Variants in STXBP5L observed in about 807,000 individuals in gnomAD.
The protein encoded by STXBP5L is syntaxin-binding protein 5-like.
STXBP5L carries 65 observed loss-of-function variants against 144.5 expected under a neutral mutation model. That is an observed-to-expected ratio of 0.45 (90% confidence interval 0.37 to 0.55). STXBP5L has a LOEUF of 0.55. Ranked by LOEUF, STXBP5L falls within the 20% of genes least tolerant of loss-of-function variation. STXBP5L has a pLI of 0.00. For synonymous variants in STXBP5L, 505 were observed against 469.6 expected, an observed-to-expected ratio of 1.08 and a Z score of -0.97; for missense variants, 1,298 against 1,405.5, an observed-to-expected ratio of 0.92 and a Z score of 1.22.
chr3:121,019,049 T>G, intron 3 of STXBP5L, among the ~76,000 whole-genome samples: 1 of 152,194 alleles, frequency 6.6e-6, no homozygotes. Context: ...GGAGTGAAAC[T>G]GGCCTTTCGG....
intron 3 of STXBP5L, among the ~76,000 whole-genome samples, chr3:121,005,382 G>T: frequency 6.6e-6 from 1 of 152,134 alleles, no homozygotes; most frequent in East Asian, 1.9e-4. Flanking sequence ...GTATTTCTGT[G>T]TGAACGGTGG....
chr3:121,221,875 A>T lies in STXBP5L; in HGVS notation c.957-1128A>T, dbSNP rs533885791. Among the ~76,000 whole-genome samples, 380 of 147,300 alleles carry T rather than the reference A, an allele frequency of 2.6e-3. 2 individuals are homozygous for T. Among genetic ancestry groups the T allele is most frequent in the African/African-American group, 8.9e-3 (357 of 40,112 alleles). On this transcript the variant is annotated intron_variant, in intron 10 of 26. Coordinates refer to ENST00000471454, the MANE Select transcript of STXBP5L (RefSeq NM_001308330.2). The stretch of plus-strand genomic sequence containing the variant: ...TGTATGTTTGTATAGAAGCTTTGTT[A>T]AAAAAAAAACCCTTTTTGGTTATAT...
At chr3:121,212,140 A>G (rs2048598767) in intron 10 of STXBP5L, among the ~76,000 whole-genome samples, 1 of 152,178 alleles carries the variant, frequency 6.6e-6, no homozygotes, top group African/African-American at 2.4e-5. Context: ...ATAGATTGCA[A>G]AAATATCCTC....
In STXBP5L at chr3:120,955,059, T is replaced by C. The variant is rs1285241925; in HGVS notation, c.287+22T>C. On this transcript the variant is annotated intron_variant, in intron 3 of 26. Transcript: ENST00000471454. ...GAATGTATCCTTAAATTTTGGTTCATTATCTGCCACAGTAATGCCAATTAC... is the reference window on the plus strand; with the variant it reads ...GAATGTATCCTTAAATTTTGGTTCACTATCTGCCACAGTAATGCCAATTAC... 8 of 1,541,546 alleles carry C rather than the reference T, an allele frequency of 5.2e-6. No individual in the cohort carries two copies. The East Asian group carries it at 1.8e-4, about 35-fold the overall frequency.
At chr3:120,985,225 A>G (rs1213273362) in intron 3 of STXBP5L, among the ~76,000 whole-genome samples, 4 of 151,988 alleles carry the variant, frequency 2.6e-5, no homozygotes, top group African/African-American at 9.7e-5. Flanking sequence ...GAAAAGTTTG[A>G]GAAGGATTGG....
intron 3 of STXBP5L, among the ~76,000 whole-genome samples, chr3:120,957,236 G>A (rs1323311003): frequency 6.6e-6 from 1 of 151,856 alleles, no homozygotes; most frequent in Non-Finnish European, 1.5e-5. Flanking sequence ...TTTGTAGATT[G>A]GAAACCAGAT....
At chr3:120,954,339 C>A (rs1210688787) in intron 2 of STXBP5L, among the ~76,000 whole-genome samples, 1 of 152,056 alleles carries the variant, frequency 6.6e-6, no homozygotes, top group Admixed American at 6.6e-5. Flanking sequence ...CAGAATATTA[C>A]ATCTTTACTC....
chr3:121,129,219 T>A (rs2044858273), intron 7 of STXBP5L, among the ~76,000 whole-genome samples: 1 of 152,036 alleles, frequency 6.6e-6, no homozygotes, highest in Admixed American at 6.6e-5. Context: ...ATAATACTCA[T>A]ATTGGTTTGC....
intron 22 of STXBP5L, among the ~76,000 whole-genome samples, chr3:121,389,902 C>G (rs763068344): frequency 6.6e-6 from 1 of 152,136 alleles, no homozygotes; most frequent in Non-Finnish European, 1.5e-5. Flanking sequence ...TCTATTACGT[C>G]TGCTTGTTGC....
intron 2 of STXBP5L, among the ~76,000 whole-genome samples, chr3:120,935,694 A>G (rs1457872121): frequency 6.6e-6 from 1 of 151,980 alleles, no homozygotes; most frequent in African/African-American, 2.4e-5. Context: ...ATCACTTCAC[A>G]TTTTTATGGT....
intron 5 of STXBP5L, among the ~76,000 whole-genome samples, chr3:121,061,124 C>T (rs1393816054): frequency 3.3e-5 from 5 of 152,126 alleles, no homozygotes. Flanking sequence ...TATAAATTTC[C>T]ATCTAAACAC....
intron 19 of STXBP5L, among the ~76,000 whole-genome samples, 172 bp from the exon 20 acceptor site, chr3:121,318,303 A>T (rs2043850636): frequency 6.6e-6 from 1 of 151,928 alleles, no homozygotes. Context: ...ATAAAAATAA[A>T]AAAAAAATTA....
At chr3:121,282,537 T>C (rs1577360901) in intron 19 of STXBP5L, among the ~76,000 whole-genome samples, 1 of 152,144 alleles carries the variant, frequency 6.6e-6, no homozygotes, top group East Asian at 1.9e-4. Context: ...CCTGTACCCA[T>C]TCAATCATAC....
intron 19 of STXBP5L, among the ~76,000 whole-genome samples, chr3:121,312,444 ATCTTTTTTTT>A (rs2043569552): frequency 3.1e-5 from 1 of 31,966 alleles, no homozygotes; most frequent in African/African-American, 1.3e-4. Flanking sequence ...AGGTATGTCA[ATCTTTTTTTT>A]TTTTTTTTTT....
intron 5 of STXBP5L, 70 bp from the exon 6 acceptor site, chr3:121,114,855 A>T: frequency 2.7e-6 from 3 of 1,100,786 alleles, no homozygotes; most frequent in Non-Finnish European, 3.8e-6. Context: ...TACATAATAC[A>T]TGTAAGGAAA....
Position 121,074,683 on chromosome 3 carries a change from A to G in STXBP5L, c.470+29148A>G, listed in dbSNP as rs539353889. 3.3e-5 allele frequency among the ~76,000 whole-genome samples: 5 copies of G among 152,222 alleles called. No individual in the cohort carries two copies. In the South Asian group the frequency reaches 8.3e-4, roughly 25 times the overall value. On this transcript the variant is annotated intron_variant, in intron 5 of 26. Coordinates refer to ENST00000471454, the MANE Select transcript of STXBP5L (RefSeq NM_001308330.2). ...CATCTTTATAAATTTTGCATCTCTC[A>G]TAGAGTCTCCATTCCTTTGTTGTTG...
chr3:121,197,900 G>A (rs1295108491), intron 9 of STXBP5L, among the ~76,000 whole-genome samples: 1 of 152,166 alleles, frequency 6.6e-6, no homozygotes, highest in Non-Finnish European at 1.5e-5. Flanking sequence ...TATCACTGAT[G>A]GACATTTGGG....
At chr3:121,184,699 CA>C (rs2047298565) in intron 9 of STXBP5L, among the ~76,000 whole-genome samples, 1 of 152,076 alleles carries the variant, frequency 6.6e-6, no homozygotes, top group Non-Finnish European at 1.5e-5. Context: ...CATTCAAATT[CA>C]AGAAATACAG....
chr3:121,015,046 T>C (rs1439359565), intron 3 of STXBP5L, among the ~76,000 whole-genome samples: 1 of 152,050 alleles, frequency 6.6e-6, no homozygotes, highest in Non-Finnish European at 1.5e-5. Context: ...AAGATCATGT[T>C]TGTGTGTTGA....
Sources: gnomAD v4.1 joint callset for allele counts (sites outside exome capture counted in the v4.1 genomes callset) on GRCh38, gnomAD v4.1.1 for gene constraint, MANE v1.5 for transcripts, NCBI Gene and HGNC (gene_info 2026-07-23, HGNC 2026-07-21) for gene names.